Variants in ATOSA observed in about 807,000 individuals in gnomAD.
The protein encoded by ATOSA is atos homolog A.
the ATOSA span, among the ~76,000 whole-genome samples, chr15:52,615,055 G>A: frequency 5.3e-5 from 8 of 152,044 alleles, no homozygotes; most frequent in Admixed American, 4.6e-4. Context: ...TAGTCTCACA[G>A]CACTAATTCC....
the ATOSA span, among the ~76,000 whole-genome samples, chr15:52,635,902 A>C: frequency 6.6e-6 from 1 of 151,624 alleles, no homozygotes; most frequent in Non-Finnish European, 1.5e-5. Context: ...AGGCTGAGGC[A>C]GGAGAATTGC....
the ATOSA span, chr15:52,678,255 A>G: frequency 1.1e-5 from 7 of 609,576 alleles, no homozygotes; most frequent in African/African-American, 1.3e-4. Flanking sequence ...TGAAAAAAGC[A>G]AAACTCTCTG....
At chr15:52,648,292 T>A in the ATOSA span, among the ~76,000 whole-genome samples, 9 of 152,276 alleles carry the variant, frequency 5.9e-5, no homozygotes, top group South Asian at 1.7e-3. Flanking sequence ...AGCTAAATAA[T>A]AAATTATACA....
chr15:52,671,056 G>C, the ATOSA span, among the ~76,000 whole-genome samples: 3 of 152,064 alleles, frequency 2.0e-5, no homozygotes, highest in Non-Finnish European at 4.4e-5. Flanking sequence ...AACAGCAATA[G>C]GAGCAAATTC....
chr15:52,602,259 C>A, the ATOSA span, among the ~76,000 whole-genome samples: 1 of 152,146 alleles, frequency 6.6e-6, no homozygotes, highest in Non-Finnish European at 1.5e-5. Flanking sequence ...TTTTTCATAT[C>A]TAGAATTTCT....
the ATOSA span, chr15:52,677,965 AG>A: frequency 3.7e-6 from 6 of 1,613,602 alleles, no homozygotes; most frequent in African/African-American, 6.7e-5. Context: ...ATAGAAAAGA[AG>A]GGGGTGGGGG....
chr15:52,649,122 C>G, the ATOSA span, among the ~76,000 whole-genome samples: 1 of 152,078 alleles, frequency 6.6e-6, no homozygotes, highest in Non-Finnish European at 1.5e-5. Flanking sequence ...TATATACTTG[C>G]AAAAGCAATA....
At chr15:52,697,957 ATTTTTTTTTTTTTTTT>A in the ATOSA span, among the ~76,000 whole-genome samples, 24 of 44,782 alleles carry the variant, frequency 5.4e-4, no homozygotes, top group Admixed American at 2.4e-3. Flanking sequence ...GGGATGTAGA[ATTTTTTTTTTTTTTTT>A]TTTTTTTTTT....
the ATOSA span, among the ~76,000 whole-genome samples, chr15:52,681,160 G>A: frequency 6.6e-6 from 1 of 152,214 alleles, no homozygotes; most frequent in African/African-American, 2.4e-5. Flanking sequence ...ACATTTGTTA[G>A]ACTAACCTGA....
At chr15:52,656,494 T>C in the ATOSA span, 20 of 152,054 alleles carry the variant, frequency 1.3e-4, no homozygotes, top group African/African-American at 4.3e-4. Flanking sequence ...AAAATTAAAA[T>C]GCTAAAAAGT....
chr15:52,642,516 T>G, the ATOSA span, among the ~76,000 whole-genome samples: 3 of 152,214 alleles, frequency 2.0e-5, no homozygotes, highest in Non-Finnish European at 4.4e-5. Flanking sequence ...AGTATCAGTT[T>G]GGCCACAAGC....
the ATOSA span, chr15:52,587,357 G>A: frequency 1.9e-5 from 13 of 683,096 alleles, no homozygotes; most frequent in Admixed American, 3.2e-5. Flanking sequence ...AATTAATAGA[G>A]ATACATTCTA....
chr15:52,605,245 C>G, the ATOSA span: 1 of 1,572,058 alleles, frequency 6.4e-7, no homozygotes, highest in South Asian at 1.2e-5. Context: ...CAGTGTAGTC[C>G]TCTGTTAGGA....
the ATOSA span, among the ~76,000 whole-genome samples, chr15:52,635,137 CA>C: frequency 6.6e-6 from 1 of 152,140 alleles, no homozygotes; most frequent in South Asian, 2.1e-4. Context: ...AACATAGCTT[CA>C]AAATGTACGA....
At chr15:52,628,354 T>C in the ATOSA span, among the ~76,000 whole-genome samples, 1 of 152,158 alleles carries the variant, frequency 6.6e-6, no homozygotes, top group South Asian at 2.1e-4. Flanking sequence ...AAAAAGAACC[T>C]AAGAGAATTC....
the ATOSA span, among the ~76,000 whole-genome samples, chr15:52,669,105 A>G: frequency 6.6e-6 from 1 of 152,004 alleles, no homozygotes; most frequent in African/African-American, 2.4e-5. Flanking sequence ...TTTTTTTAGT[A>G]GAGATGGGGT....
chr15:52,648,877 A>G, the ATOSA span: 1 of 152,086 alleles, frequency 6.6e-6, no homozygotes, highest in Non-Finnish European at 1.5e-5. Flanking sequence ...CTTCTCTTCA[A>G]GTCCTATGAT....
chr15:52,685,477 A>G, the ATOSA span, among the ~76,000 whole-genome samples: 1 of 151,766 alleles, frequency 6.6e-6, no homozygotes, highest in Non-Finnish European at 1.5e-5. Flanking sequence ...TCTGTTGCCT[A>G]GGCTGGAGTG....
chr15:52,589,677 A>G, the ATOSA span, among the ~76,000 whole-genome samples: 3 of 152,232 alleles, frequency 2.0e-5, no homozygotes, highest in Non-Finnish European at 2.9e-5. Context: ...TTGGAATTTT[A>G]TTATTCATCA....
Sources: allele counts gnomAD v4.1 joint callset (sites outside exome capture counted in the v4.1 genomes callset), GRCh38; gene constraint gnomAD v4.1.1; transcripts MANE v1.5; gene names NCBI Gene and HGNC (gene_info 2026-07-23, HGNC 2026-07-21).